NOTCH2: variants seen among roughly 807,000 people sequenced by gnomAD.
NOTCH2 encodes the protein notch receptor 2, also known as neurogenic locus notch homolog protein 2.
Under a neutral mutation model 235.8 loss-of-function variants are expected in NOTCH2, and 29 were observed. That is an observed-to-expected ratio of 0.12 (90% CI 0.09 to 0.17). NOTCH2 has a LOEUF of 0.17. Among genes scored for constraint, NOTCH2 ranks in the 10% least tolerant of loss-of-function variants. The pLI, the probability that NOTCH2 is intolerant of heterozygous loss-of-function variation, is 1.00. For missense variants in NOTCH2, 2,285 were observed against 3,150.2 expected (o/e 0.73, Z 6.57); for synonymous variants, 1,086 against 1,141.5 (o/e 0.95, Z 0.98).
intron 4 of NOTCH2, chr1:119,995,734 A>G (rs1476637705): frequency 6.6e-6 from 1 of 152,230 alleles, no homozygotes; most frequent in African/African-American, 2.4e-5. Flanking sequence ...GACTTAAATA[A>G]TATAAAGTTT....
At chr1:120,064,529 T>C (rs1296502782) in intron 1 of NOTCH2, among the ~76,000 whole-genome samples, 2 of 152,098 alleles carry the variant, frequency 1.3e-5, no homozygotes, top group African/African-American at 4.8e-5. Context: ...GAGTCATAGA[T>C]GCTGTGACTA....
In NOTCH2 at chr1:119,916,723, T is replaced by C. The variant is rs1649089495; in HGVS notation, c.6028-29A>G. The C allele has an allele frequency of 1.9e-6, 3 of 1,609,932 alleles. No individual in the cohort carries two copies. The African/African-American group carries it at 4.0e-5, about 21-fold the overall frequency. The stretch of plus-strand genomic sequence containing the variant: ...CAGAAAAGGCCCATCACAGAACACA[T>C]GTTAATAACACTCTTGAGAATATAG... On this transcript the variant is annotated intron_variant, in intron 33 of 33. Transcript: ENST00000256646.
In NOTCH2 at chr1:119,925,818, A is replaced by G. The variant is rs201888453; in HGVS notation, c.4006-8T>C. On this transcript the variant is annotated splice_polypyrimidine_tract_variant and splice_region_variant and intron_variant, in intron 24 of 33. Transcript: ENST00000256646. ...CCTTGCCCCGGAAAATCCCTGTGGA[A>G]ATCAGTGAGGAAATAAAAATGGCAT... 3.7e-6 allele frequency: 6 copies of G among 1,613,994 alleles called. No homozygotes were observed. In the East Asian group the frequency reaches 1.3e-4, roughly 36 times the overall value.
In NOTCH2 at chr1:119,925,765, A is replaced by G. The variant is rs1649453736; in HGVS notation, c.4051T>C (p.Cys1351Arg). 4 of 1,613,944 alleles carry G rather than the reference A, an allele frequency of 2.5e-6. No homozygotes were observed. The highest frequency in any genetic ancestry group is 3.4e-6 in the Non-Finnish European group (4 of 1,180,024). ...TGCACACACTGCTCCCCCTTCCTAC[A>G]TTTCACTTGTCCACAGCTGCTCTGG... ...RCQSSCGQVK[C>R]RKGEQCVHTA... The change falls in exon 25 of 34, where the codon TGT becomes CGT. Residue 1351 changes from cysteine to arginine, a missense_variant. Coordinates refer to ENST00000256646, the MANE Select transcript of NOTCH2 (RefSeq NM_024408.4).
At chr1:120,046,041 T>G (rs1482991555) in intron 1 of NOTCH2, among the ~76,000 whole-genome samples, 1 of 151,724 alleles carries the variant, frequency 6.6e-6, no homozygotes, top group Non-Finnish European at 1.5e-5. Flanking sequence ...TGTATTTACT[T>G]GAGGAAGCGT....
intron 1 of NOTCH2, among the ~76,000 whole-genome samples, chr1:120,065,500 G>T (rs1191122725): frequency 6.6e-6 from 1 of 152,230 alleles, no homozygotes; most frequent in Admixed American, 6.5e-5. Flanking sequence ...AAGCAATGAG[G>T]ACAGTGAATG....
intron 21 of NOTCH2, among the ~76,000 whole-genome samples, chr1:119,936,342 G>T (rs1319898919): frequency 1.3e-5 from 2 of 152,174 alleles, no homozygotes; most frequent in Non-Finnish European, 2.9e-5. Flanking sequence ...GGAATCTCTG[G>T]GTCAGAGAGC....
At chr1:119,980,611 T>G (rs1651778698) in intron 5 of NOTCH2, among the ~76,000 whole-genome samples, 1 of 152,222 alleles carries the variant, frequency 6.6e-6, no homozygotes, top group African/African-American at 2.4e-5. Context: ...TTCTAATGAC[T>G]CAAATATTCT....
chr1:119,989,365 G>A (rs1652143404), intron 4 of NOTCH2, among the ~76,000 whole-genome samples: 1 of 151,778 alleles, frequency 6.6e-6, no homozygotes, highest in Admixed American at 6.6e-5. Flanking sequence ...CCTAAAGGTA[G>A]GTGGTAAAAT....
Position 119,922,285 on chromosome 1 carries a change from T to C in NOTCH2, c.5164A>G (p.Ser1722Gly). Reference protein sequence around the residue: ...PEGFTLRRDASNHKRREPVGQ... With the variant: ...PEGFTLRRDAGNHKRREPVGQ... ...ACTGGCTCACGACGCTTGTGATTGC[T>C]TGCATCTCGGCGAAGAGTGAAACCT... The change falls in exon 28 of 34, where the codon AGC (serine) becomes GGC (glycine). Residue 1722 changes from serine (S) to glycine (G), a missense_variant. Physicochemically the swap from Ser to Gly is moderately conservative, Grantham distance 56. Around this residue, in one of 6 missense-constraint regions of NOTCH2, gnomAD observed 1,173 missense variants for 1,515.3 expected, o/e 0.77. Transcript: ENST00000256646. The C allele has an allele frequency of 6.2e-7, 1 of 1,614,162 alleles. No individual in the cohort carries two copies. Among genetic ancestry groups the C allele is most frequent in the Non-Finnish European group, 8.5e-7 (1 of 1,180,018 alleles).
Position 119,955,141 on chromosome 1 carries a change from A to G in NOTCH2, c.2118T>C (p.Cys706=). ...GGTGATGGGGTCCCTCGGGGCATATACAGCGGAAACCATTCACACCGTTGA... is the reference window on the plus strand; with the variant it reads ...GGTGATGGGGTCCCTCGGGGCATATGCAGCGGAAACCATTCACACCGTTGA... The part of the protein sequence containing the change: ...TCINGVNGFR[C]ICPEGPHHPS... The change falls in exon 13 of 34, where the codon TGT becomes TGC. Residue 706 remains cysteine (C), a synonymous_variant. Transcript: ENST00000256646. 6.2e-7 allele frequency: 1 copy of G among 1,614,164 alleles called. No individual in the cohort carries two copies. Among genetic ancestry groups the G allele is most frequent in the Non-Finnish European group, 8.5e-7 (1 of 1,180,034 alleles).
chr1:119,922,587 T>C lies in NOTCH2; in HGVS notation c.5002+49A>G, dbSNP rs756258485. 6.8e-6 allele frequency: 11 copies of C among 1,612,488 alleles called. No individual in the cohort carries two copies. In the African/African-American group the frequency reaches 1.2e-4, roughly 18 times the overall value. On this transcript the variant is annotated intron_variant, in intron 27 of 33. Coordinates refer to ENST00000256646, the MANE Select transcript of NOTCH2 (RefSeq NM_024408.4). Reference sequence around the variant, plus strand: ...TACATAATGAAAATTGTTCCCCCAATTGACACTCTTCCCCCGCCACCTTTC... The same window carrying C: ...TACATAATGAAAATTGTTCCCCCAACTGACACTCTTCCCCCGCCACCTTTC...
chr1:120,063,430 C>A (rs1390223716), intron 1 of NOTCH2, among the ~76,000 whole-genome samples: 1 of 151,910 alleles, frequency 6.6e-6, no homozygotes, highest in Admixed American at 6.6e-5. Flanking sequence ...GGCTGTGGAA[C>A]TCCTATGCAT....
intron 2 of NOTCH2, among the ~76,000 whole-genome samples, chr1:120,017,365 T>C (rs1248486438): frequency 1.3e-5 from 2 of 152,110 alleles, no homozygotes; most frequent in African/African-American, 2.4e-5. Context: ...AAAAACAGCC[T>C]TGATACCCCC....
At chr1:119,916,731 A>G in intron 33 of NOTCH2, 37 bp from the exon 34 acceptor site, 1 of 1,605,110 alleles carries the variant, frequency 6.2e-7, no homozygotes, top group Non-Finnish European at 8.5e-7. Flanking sequence ...CATGTTAATA[A>G]CACTCTTGAG....
rs376526633 is a variant in NOTCH2, at chr1:119,949,105, A to C, written c.2501T>G (p.Leu834Trp). The C allele has an allele frequency of 1.9e-5, 30 of 1,614,126 alleles. No homozygotes were observed. Among genetic ancestry groups the C allele is most frequent in the Non-Finnish European group, 2.5e-5 (29 of 1,180,046 alleles). Residue 834 changes from leucine to tryptophan, a missense_variant, in exon 16 of 34, where the codon TTG becomes TGG. Transcript: ENST00000256646. ...ACAAGGGTTTGGGGAACAGGGAGCCAATACTGTCTGACAATTCTTGCCTAG... is the reference window on the plus strand; with the variant it reads ...ACAAGGGTTTGGGGAACAGGGAGCCCATACTGTCTGACAATTCTTGCCTAG... Reference protein sequence around the residue: ...PYTGKNCQTVLAPCSPNPCEN... With the variant: ...PYTGKNCQTVWAPCSPNPCEN...
At position 119,916,217 on chromosome 1, in the gene NOTCH2, T is replaced by C. The variant is rs760320928; in HGVS notation, c.6505A>G (p.Met2169Val). The C allele has an allele frequency of 8.1e-6, 13 of 1,614,046 alleles. No homozygotes were observed. Among genetic ancestry groups the C allele is most frequent in the South Asian group, 6.6e-5 (6 of 91,088 alleles). The change falls in exon 34 of 34, where the codon ATG (methionine) becomes GTG (valine). Residue 2169 changes from methionine (M) to valine (V), a missense_variant. By Grantham distance (21) the Met-to-Val change is conservative. Around this residue, in one of 6 missense-constraint regions of NOTCH2, gnomAD observed 504 missense variants for 538.0 expected, o/e 0.94. Coordinates refer to ENST00000256646, the MANE Select transcript of NOTCH2 (RefSeq NM_024408.4). ...TGTAAGATCCCAGGGGATGTAATCA[T>C]TGGAGAGGATGTGGTGTCGGAAACA... ...TYVSDTTSSP[M>V]ITSPGILQAS...
At chr1:119,924,875 C>T (rs906273231) in intron 25 of NOTCH2, among the ~76,000 whole-genome samples, 19 of 152,022 alleles carry the variant, frequency 1.2e-4, no homozygotes, top group South Asian at 2.1e-4. Flanking sequence ...CAATTAAGAC[C>T]GGGAGGGTTC....
chr1:120,003,193 T>G (rs1455257029), intron 3 of NOTCH2, among the ~76,000 whole-genome samples: 1 of 152,150 alleles, frequency 6.6e-6, no homozygotes, highest in African/African-American at 2.4e-5. Context: ...CCTCCCAGCC[T>G]ACATCTTTTT....
Sources: gnomAD v4.1 joint callset for allele counts (sites outside exome capture counted in the v4.1 genomes callset) on GRCh38, gnomAD v4.1.1 for gene constraint, gnomAD v4.1.1 regional missense constraint, MANE v1.5 for transcripts, NCBI Gene and HGNC (gene_info 2026-07-23, HGNC 2026-07-21) for gene names.